The following CHST11 variants were observed in gnomAD, a reference collection of about 807,000 sequenced individuals.
CHST11 encodes C4S-1.
Under a neutral mutation model 30.4 loss-of-function variants are expected in CHST11, and 9 were observed. The observed-to-expected ratio is 0.30, with a 90% CI of 0.18 to 0.52. The LOEUF (loss-of-function observed/expected upper bound fraction) is 0.52. Ranked by LOEUF, CHST11 falls within the 20% of genes least tolerant of loss-of-function variation. The pLI, the probability that CHST11 is intolerant of heterozygous loss-of-function variation, is 0.97. For synonymous variants in CHST11, 152 were observed against 187.8 expected, an observed-to-expected ratio of 0.81 and a Z score of 1.56; for missense variants, 348 against 460.6, an observed-to-expected ratio of 0.76 and a Z score of 2.24.
At chr12:104,629,092 T>C (rs1224721294) in intron 2 of CHST11, among the ~76,000 whole-genome samples, 2 of 152,298 alleles carry the variant, frequency 1.3e-5, no homozygotes, top group East Asian at 3.9e-4. Context: ...GAGTTGCAAA[T>C]TGCACAGGGG....
At chr12:104,584,350 G>A (rs1022895473) in intron 1 of CHST11, among the ~76,000 whole-genome samples, 6 of 147,778 alleles carry the variant, frequency 4.1e-5, no homozygotes, top group South Asian at 2.2e-4. Flanking sequence ...TCTGCCTCCC[G>A]GGTTCAAGCG....
chr12:104,512,626 T>C (rs1021283310), intron 1 of CHST11, among the ~76,000 whole-genome samples: 3 of 152,158 alleles, frequency 2.0e-5, no homozygotes, highest in Non-Finnish European at 2.9e-5. Context: ...TATAGGCTAT[T>C]ATTGAGGTAG....
chr12:104,563,553 C>T (rs1565988333), intron 1 of CHST11, among the ~76,000 whole-genome samples: 1 of 152,232 alleles, frequency 6.6e-6, no homozygotes, highest in Non-Finnish European at 1.5e-5. Context: ...TTTACCTTGA[C>T]TATCTCCAGT....
chr12:104,486,848 GT>G (rs148450426), intron 1 of CHST11, among the ~76,000 whole-genome samples: 1 of 152,182 alleles, frequency 6.6e-6, no homozygotes, highest in African/African-American at 2.4e-5. Context: ...GGAAGAGCAT[GT>G]TTAAAACGAA....
chr12:104,472,525 A>G (rs1273383782), intron 1 of CHST11, among the ~76,000 whole-genome samples: 1 of 152,206 alleles, frequency 6.6e-6, no homozygotes, highest in African/African-American at 2.4e-5. Context: ...GCCATGTAGC[A>G]AGAGCAACTG....
At chr12:104,492,037 C>T (rs1274235846) in intron 1 of CHST11, among the ~76,000 whole-genome samples, 2 of 152,188 alleles carry the variant, frequency 1.3e-5, no homozygotes, top group Non-Finnish European at 2.9e-5. Flanking sequence ...TCGTATACCT[C>T]CTTGGAGACA....
intron 2 of CHST11, among the ~76,000 whole-genome samples, chr12:104,674,675 A>C (rs541366324): frequency 2.8e-4 from 43 of 152,310 alleles, no homozygotes; most frequent in African/African-American, 1.0e-3. Flanking sequence ...TTTCCTGTTA[A>C]CGGAGGAATC....
chr12:104,589,182 T>C (rs1057141233), intron 1 of CHST11, among the ~76,000 whole-genome samples: 3 of 151,996 alleles, frequency 2.0e-5, no homozygotes, highest in Non-Finnish European at 4.4e-5. Flanking sequence ...GGTGGATTGC[T>C]TGAGTCCAGG....
At position 104,497,851 on chromosome 12, in the gene CHST11, G is replaced by A. The variant is rs1261143490; in HGVS notation, c.118+40322G>A. Among the ~76,000 whole-genome samples, 4 of 151,770 alleles carry A rather than the reference G, an allele frequency of 2.6e-5. No homozygotes were observed. In the South Asian group the frequency reaches 6.2e-4, roughly 24 times the overall value. Reference sequence around the variant, plus strand: ...GATTACATGCAGACAGGTGCATATGGGGCAAGTGCTCAGGGTCCCGCTCCA... The same window carrying A: ...GATTACATGCAGACAGGTGCATATGAGGCAAGTGCTCAGGGTCCCGCTCCA... On this transcript the variant is annotated intron_variant, in intron 1 of 2. Transcript: ENST00000303694.
chr12:104,584,840 T>C (rs2038786163), intron 1 of CHST11, among the ~76,000 whole-genome samples: 1 of 152,204 alleles, frequency 6.6e-6, no homozygotes, highest in Admixed American at 6.5e-5. Flanking sequence ...TCTTTGCGCG[T>C]CCATCTTTTA....
chr12:104,477,777 A>G (rs2037577771), intron 1 of CHST11, among the ~76,000 whole-genome samples: 1 of 152,216 alleles, frequency 6.6e-6, no homozygotes. Flanking sequence ...ATATTTTGAT[A>G]TAGCAGTCCA....
intron 2 of CHST11, among the ~76,000 whole-genome samples, chr12:104,666,079 A>G (rs835485): frequency 0.57 from 86,889 of 151,680 alleles, 25,230 homozygotes; most frequent in Non-Finnish European, 0.6. Context: ...CGGCCTCCCA[A>G]AGTGCTGGGA....
intron 1 of CHST11, among the ~76,000 whole-genome samples, chr12:104,480,543 A>G (rs943909968): frequency 7.0e-6 from 1 of 143,514 alleles, no homozygotes; most frequent in Admixed American, 7.3e-5. Context: ...GTGCCACTGC[A>G]CCCCAGCCTG....
At chr12:104,580,590 G>A (rs1398039572) in intron 1 of CHST11, among the ~76,000 whole-genome samples, 2 of 152,194 alleles carry the variant, frequency 1.3e-5, no homozygotes, top group African/African-American at 4.8e-5. Flanking sequence ...ATAACAGCTA[G>A]GATTGTGCCC....
intron 2 of CHST11, among the ~76,000 whole-genome samples, chr12:104,681,687 G>A (rs999235449): frequency 5.3e-5 from 8 of 151,916 alleles, no homozygotes; most frequent in Admixed American, 2.6e-4. Context: ...CTTCTCTACA[G>A]AAAAAAATAA....
At chr12:104,743,984 A>G (rs1361812793) in intron 2 of CHST11, among the ~76,000 whole-genome samples, 1 of 152,196 alleles carries the variant, frequency 6.6e-6, no homozygotes, top group African/African-American at 2.4e-5. Context: ...TATATGTACC[A>G]CATTTTCTTT....
chr12:104,590,013 T>TTAGATAAA (rs1555234607), intron 1 of CHST11, among the ~76,000 whole-genome samples: 5 of 151,140 alleles, frequency 3.3e-5, no homozygotes, highest in Admixed American at 6.6e-5. Flanking sequence ...TGTCTCAAAA[T>TTAGATAAA]TAAATAAATA....
At chr12:104,608,238 A>C (rs2136051480) in intron 2 of CHST11, among the ~76,000 whole-genome samples, 1 of 152,234 alleles carries the variant, frequency 6.6e-6, no homozygotes, top group Admixed American at 6.5e-5. Flanking sequence ...ATAACTTGCG[A>C]ATTTAGGGAG....
chr12:104,638,381 G>A (rs2039345982), intron 2 of CHST11, among the ~76,000 whole-genome samples: 1 of 152,124 alleles, frequency 6.6e-6, no homozygotes, highest in Non-Finnish European at 1.5e-5. Flanking sequence ...AAAGAAAAAG[G>A]TGGGAAAGTT....
Sources: gnomAD v4.1 joint callset for allele counts (sites outside exome capture counted in the v4.1 genomes callset) on GRCh38, gnomAD v4.1.1 for gene constraint, MANE v1.5 for transcripts, NCBI Gene and HGNC (gene_info 2026-07-23, HGNC 2026-07-21) for gene names.